TMCO4: variants seen among roughly 807,000 people sequenced by gnomAD.
TMCO4 encodes the protein transmembrane and coiled-coil domain-containing protein 4.
TMCO4 carries 58 observed loss-of-function variants against 64.7 expected under a neutral mutation model. That is an observed-to-expected ratio of 0.90 (90% confidence interval 0.73 to 1.12). The LOEUF is 1.12. Among genes scored for constraint, TMCO4 ranks in the 50% most tolerant of loss-of-function variants. The pLI is 0.00. For missense variants in TMCO4, 780 were observed against 825.9 expected, an observed-to-expected ratio of 0.94 and a Z score of 0.68; for synonymous variants, 325 against 346.1, an observed-to-expected ratio of 0.94 and a Z score of 0.68.
intron 2 of TMCO4, among the ~76,000 whole-genome samples, chr1:19,790,737 G>A (rs549746561): frequency 9.9e-5 from 15 of 152,270 alleles, no homozygotes; most frequent in African/African-American, 2.9e-4. Flanking sequence ...AACCATTGTC[G>A]AAGACGGTGT....
chr1:19,716,669 T>A (rs2095358247), intron 13 of TMCO4, among the ~76,000 whole-genome samples: 1 of 152,058 alleles, frequency 6.6e-6, no homozygotes, highest in Admixed American at 6.6e-5. Context: ...CATGAATAAA[T>A]CTCCTGGGCT....
At chr1:19,684,063 CTTT>C (rs3048209) in intron 15 of TMCO4, among the ~76,000 whole-genome samples, 14 of 70,302 alleles carry the variant, frequency 2.0e-4, no homozygotes, top group Non-Finnish European at 2.2e-4. Flanking sequence ...TGCCCGGCAG[CTTT>C]TTTTTTTTTT....
intron 6 of TMCO4, among the ~76,000 whole-genome samples, chr1:19,756,438 C>A (rs936231939): frequency 1.3e-5 from 2 of 152,030 alleles, no homozygotes; most frequent in African/African-American, 4.8e-5. Flanking sequence ...AAAAAATAAT[C>A]CCCTTTGCCC....
intron 2 of TMCO4, chr1:19,797,934 G>C (rs867090638): frequency 1.2e-4 from 16 of 135,390 alleles, no homozygotes; most frequent in South Asian, 4.6e-4. Flanking sequence ...GAGGGAGAGA[G>C]AGAGAAAGAG....
At chr1:19,697,058 G>A (rs1239177001) in intron 14 of TMCO4, among the ~76,000 whole-genome samples, 2 of 152,220 alleles carry the variant, frequency 1.3e-5, no homozygotes, top group Non-Finnish European at 2.9e-5. Context: ...AGCATTAACT[G>A]AGGGGGGACA....
intron 6 of TMCO4, among the ~76,000 whole-genome samples, chr1:19,758,749 A>C (rs2042373614): frequency 6.6e-6 from 1 of 152,092 alleles, no homozygotes; most frequent in Non-Finnish European, 1.5e-5. Context: ...CCCAGGCTCT[A>C]CTGCCAACTT....
intron 13 of TMCO4, among the ~76,000 whole-genome samples, chr1:19,708,285 A>C (rs1388599132): frequency 6.6e-6 from 1 of 152,010 alleles, no homozygotes; most frequent in Admixed American, 6.6e-5. Flanking sequence ...CTATCTTGTG[A>C]ATTGCTCTTG....
In TMCO4 at chr1:19,683,126, T is replaced by TG; in HGVS notation, c.1818dup (p.Ile607HisfsTer68). 1.2e-6 allele frequency: 2 copies of TG among 1,613,710 alleles called. No individual in the cohort carries two copies. The highest frequency in any genetic ancestry group is 1.7e-6 in the Non-Finnish European group (2 of 1,179,806). The stretch of plus-strand genomic sequence containing the variant: ...TTGGGGTCCATGCCATGGCTGCAGA[T>TG]GGGGGGCCTTTCAGGGCTGGCAGCA... On this transcript the variant is annotated frameshift_variant, in exon 16 of 16. Coordinates refer to ENST00000294543, the MANE Select transcript of TMCO4 (RefSeq NM_181719.7). LOFTEE classifies it high-confidence loss of function.
At chr1:19,726,476 AC>A (rs1044389227) in intron 13 of TMCO4, among the ~76,000 whole-genome samples, 3 of 151,958 alleles carry the variant, frequency 2.0e-5, no homozygotes, top group Non-Finnish European at 4.4e-5. Context: ...AAAAAAAAAA[AC>A]ACGGGTCAGC....
intron 3 of TMCO4, among the ~76,000 whole-genome samples, chr1:19,781,213 C>A (rs1189458986): frequency 2.0e-5 from 3 of 150,522 alleles, no homozygotes; most frequent in Non-Finnish European, 2.9e-5. Flanking sequence ...CTAATCCCAG[C>A]ACTTTTGGAA....
In TMCO4 at chr1:19,797,778, C is replaced by T. The variant is rs534677815; in HGVS notation, c.-101+359G>A. On this transcript the variant is annotated intron_variant, in intron 2 of 15. Transcript: ENST00000294543. Reference sequence around the variant, plus strand: ...ACTTGGAAGCCTGAGGCAGGAGAACCGCTTGAACCTGGGAGGCGGAGGTTG... The same window carrying T: ...ACTTGGAAGCCTGAGGCAGGAGAACTGCTTGAACCTGGGAGGCGGAGGTTG... Among the ~76,000 whole-genome samples the T allele has an allele frequency of 3.3e-5, 5 of 150,838 alleles. No individual in the cohort carries two copies. In the East Asian group the frequency reaches 5.9e-4, roughly 18 times the overall value.
chr1:19,692,792 G>A (rs1441601159), intron 15 of TMCO4, among the ~76,000 whole-genome samples: 4 of 151,820 alleles, frequency 2.6e-5, no homozygotes, highest in Admixed American at 6.6e-5. Flanking sequence ...AGGGCAGAGC[G>A]GGACATAGAG....
At chr1:19,718,062 G>A (rs563093508) in intron 13 of TMCO4, among the ~76,000 whole-genome samples, 1 of 152,156 alleles carries the variant, frequency 6.6e-6, no homozygotes. Flanking sequence ...GCCAGGCGCA[G>A]TGACTCATGC....
At chr1:19,768,504 G>C (rs1006766483) in intron 6 of TMCO4, among the ~76,000 whole-genome samples, 1 of 152,122 alleles carries the variant, frequency 6.6e-6, no homozygotes, top group South Asian at 2.1e-4. Context: ...TAAGCTCCAG[G>C]GGGTGCAGAG....
intron 3 of TMCO4, among the ~76,000 whole-genome samples, chr1:19,784,518 A>C (rs1215167498): frequency 6.6e-6 from 1 of 152,190 alleles, no homozygotes. Context: ...TGGACAACAG[A>C]GCAAGACTCC....
intron 4 of TMCO4, among the ~76,000 whole-genome samples, chr1:19,777,538 G>A (rs1347603830): frequency 2.6e-5 from 4 of 151,980 alleles, no homozygotes; most frequent in South Asian, 2.1e-4. Context: ...TAATAGATTC[G>A]GGGTTCTGCC....
In TMCO4 at chr1:19,740,784, CACTGTGT is replaced by C. The variant is rs1557544960; in HGVS notation, c.1028_1034del (p.Tyr343CysfsTer9). On this transcript the variant is annotated frameshift_variant, in exon 11 of 16. Transcript: ENST00000294543. LOFTEE classifies it high-confidence loss of function. ...GCAGGTGGGGGCACTTACCAGACAACACTGTGTACTTTAGGGCCTCCTGGGCCACCAT... is the reference window on the plus strand; with the variant it reads ...GCAGGTGGGGGCACTTACCAGACAACACTTTAGGGCCTCCTGGGCCACCAT... The C allele has an allele frequency of 1.9e-6, 3 of 1,611,308 alleles. No homozygotes were observed. The East Asian group carries it at 6.7e-5, about 36-fold the overall frequency.
chr1:19,717,665 G>A (rs938899928), intron 13 of TMCO4, among the ~76,000 whole-genome samples: 3 of 151,972 alleles, frequency 2.0e-5, no homozygotes, highest in African/African-American at 4.8e-5. Context: ...TGCGCCCTCC[G>A]GCCTTCTGCC....
At chr1:19,796,146 A>T (rs1484042345) in intron 2 of TMCO4, among the ~76,000 whole-genome samples, 1 of 152,190 alleles carries the variant, frequency 6.6e-6, no homozygotes, top group Non-Finnish European at 1.5e-5. Flanking sequence ...CAACAACCTT[A>T]TGAAGAAGAG....
Sources: allele counts gnomAD v4.1 joint callset (sites outside exome capture counted in the v4.1 genomes callset), GRCh38; gene constraint gnomAD v4.1.1; transcripts MANE v1.5; gene names NCBI Gene and HGNC (gene_info 2026-07-23, HGNC 2026-07-21).